Variants in TRHDE observed in about 807,000 individuals in gnomAD.
The protein encoded by TRHDE is thyrotropin-releasing hormone-degrading ectoenzyme.
In TRHDE, 72 loss-of-function variants were observed where a neutral mutation model predicts 125.7. The observed-to-expected ratio is 0.57, with a 90% CI of 0.47 to 0.70. The LOEUF (loss-of-function observed/expected upper bound fraction) is 0.70, where lower values mean the gene tolerates loss of function less well. Among genes scored for constraint, TRHDE ranks in the 30% least tolerant of loss-of-function variants. The probability of loss-of-function intolerance (pLI) is 0.00; values close to 1 mark genes in which losing one functional copy is unlikely to be tolerated. For missense variants in TRHDE, 1,110 were observed against 1,327.1 expected (o/e 0.84, Z 2.54); for synonymous variants, 509 against 509.1 (o/e 1.00, Z 0.00).
chr12:72,470,261 A>G (rs2135897951), intron 4 of TRHDE, among the ~76,000 whole-genome samples: 1 of 152,300 alleles, frequency 6.6e-6, no homozygotes, highest in Non-Finnish European at 1.5e-5. Context: ...GATGGCAATG[A>G]TTTATTGCAT....
intron 2 of TRHDE, among the ~76,000 whole-genome samples, chr12:72,302,240 GT>G (rs552807598): frequency 0.023 from 1,199 of 53,000 alleles, 10 homozygotes; most frequent in African/African-American, 0.059. Context: ...ATCTATGTGT[GT>G]GTGTATGTGT....
At chr12:72,461,346 A>T (rs1876116074) in intron 3 of TRHDE, among the ~76,000 whole-genome samples, 1 of 152,230 alleles carries the variant, frequency 6.6e-6, no homozygotes, top group Non-Finnish European at 1.5e-5. Context: ...AAAAAGAGTC[A>T]TTCAGTACCT....
chr12:72,502,800 G>A (rs1192372664), intron 6 of TRHDE, among the ~76,000 whole-genome samples: 1 of 152,086 alleles, frequency 6.6e-6, no homozygotes. Context: ...ATCTAAAACT[G>A]TGGAGAAAAA....
At chr12:72,341,618 A>G (rs1870090486) in intron 2 of TRHDE, among the ~76,000 whole-genome samples, 2 of 152,076 alleles carry the variant, frequency 1.3e-5, no homozygotes, top group Admixed American at 1.3e-4. Context: ...GAAAACTTGA[A>G]AATTGGATGA....
chr12:72,280,767 G>T (rs1325187793), intron 1 of TRHDE, among the ~76,000 whole-genome samples: 1 of 152,028 alleles, frequency 6.6e-6, no homozygotes, highest in Non-Finnish European at 1.5e-5. Flanking sequence ...GAGTCAGAAG[G>T]GTACCAGTAC....
chr12:72,390,483 G>A (rs538004943), intron 3 of TRHDE, among the ~76,000 whole-genome samples: 23 of 152,280 alleles, frequency 1.5e-4, no homozygotes, highest in Middle Eastern at 6.8e-3. Context: ...AAAATAGCTT[G>A]TATTGAGATC....
At chr12:72,179,596 C>G (rs1346073255) in intron 2 of TRHDE, among the ~76,000 whole-genome samples, 1 of 152,084 alleles carries the variant, frequency 6.6e-6, no homozygotes, top group Admixed American at 6.6e-5. Flanking sequence ...CTTCATGAAG[C>G]CATTTCTGAT....
chr12:72,320,065 A>G (rs1869008182), intron 2 of TRHDE, among the ~76,000 whole-genome samples: 1 of 152,008 alleles, frequency 6.6e-6, no homozygotes, highest in South Asian at 2.1e-4. Flanking sequence ...CTGTAGGGTT[A>G]TTTTATCTAC....
chr12:72,665,802 T>A lies in TRHDE; in HGVS notation c.*2607T>A, dbSNP rs73328589. ...AGAAAGGACAACATTATTTATCACA[T>A]TGAGTATTAAACATTTCCAGGTAAC... On this transcript the variant is annotated 3_prime_UTR_variant, in exon 19 of 19. Coordinates refer to ENST00000261180, the MANE Select transcript of TRHDE (RefSeq NM_013381.3). The A allele has an allele frequency of 6.6e-6, 1 of 152,080 alleles. No homozygotes were observed. Among genetic ancestry groups the A allele is most frequent in the Admixed American group, 6.6e-5 (1 of 15,244 alleles). 9.4% of individuals were successfully genotyped at this position (152,080 alleles called of 1,614,324 possible). A position where few individuals can be genotyped will look rare whatever the true frequency, so the allele number is the denominator to read the frequency against.
rs1426645651 is a variant in TRHDE at position 72,670,633 on chromosome 12, C to T, written c.*7438C>T. ...AAAAATTATTCTCTTCTGACATGGA[C>T]TTTTTCATGACTATACACATGCTGA... On this transcript the variant is annotated 3_prime_UTR_variant, in exon 19 of 19. Transcript: ENST00000261180. 1 of 151,540 alleles carries T rather than the reference C, an allele frequency of 6.6e-6. No homozygotes were observed. Among genetic ancestry groups the T allele is most frequent in the African/African-American group, 2.4e-5 (1 of 41,312 alleles). 9.4% of individuals were successfully genotyped at this position (151,540 alleles called of 1,614,324 possible).
rs141845835 is a variant in TRHDE, at chr12:72,627,340, C to A, written c.2675+5589C>A. Among the ~76,000 whole-genome samples the A allele has an allele frequency of 2.0e-5, 3 of 151,910 alleles. No individual in the cohort carries two copies. In the East Asian group the frequency reaches 5.8e-4, roughly 30 times the overall value. On this transcript the variant is annotated intron_variant, in intron 15 of 18. Coordinates refer to ENST00000261180, the MANE Select transcript of TRHDE (RefSeq NM_013381.3). ...GAAAAATAACTTTAAGGATAATCAT[C>A]TTCCTTCCTTCACCTTTCTGCCATA...
At chr12:72,530,359 C>T (rs559701536) in intron 6 of TRHDE, among the ~76,000 whole-genome samples, 5 of 144,150 alleles carry the variant, frequency 3.5e-5, no homozygotes, top group Non-Finnish European at 7.6e-5. Flanking sequence ...TTCTTAAGCA[C>T]ACTTTGTAAT....
chr12:72,272,795 C>T lies in TRHDE; in HGVS notation c.152C>T (p.Ala51Val). The T allele has an allele frequency of 6.4e-7, 1 of 1,561,242 alleles. No homozygotes were observed. The highest frequency in any genetic ancestry group is 8.6e-7 in the Non-Finnish European group (1 of 1,156,296). ...GCAGCCGCGATGGGGGAAGACGACGCCGCGCTTCGGGCTGGCAGCAGGGGG... is the reference window on the plus strand; with the variant it reads ...GCAGCCGCGATGGGGGAAGACGACGTCGCGCTTCGGGCTGGCAGCAGGGGG... ...PFAAAMGEDD[A>V]ALRAGSRGLS... The change falls in exon 1 of 19, where the codon GCC becomes GTC. Residue 51 changes from alanine (A) to valine (V), a missense_variant. By Grantham distance (64) the Ala-to-Val change is moderately conservative. Transcript: ENST00000261180. This position sits in a 1 kb window ranked among gnomAD's most constrained non-coding sequence, Gnocchi z 6.7.
At chr12:72,431,264 A>G (rs372862252) in intron 3 of TRHDE, among the ~76,000 whole-genome samples, 24 of 152,284 alleles carry the variant, frequency 1.6e-4, no homozygotes, top group East Asian at 5.8e-4. Flanking sequence ...AACTCAGAAA[A>G]GTATAGTCAA....
rs914656318 is a variant in TRHDE, at chr12:72,668,850, A to C, written c.*5655A>C. On this transcript the variant is annotated 3_prime_UTR_variant, in exon 19 of 19. Transcript: ENST00000261180. ...CTTATATAGCTCAAACTAGTCATTA[A>C]TCTGCCCTCAGCATGTATGAAAACA... is the stretch of plus-strand genomic sequence containing the variant. The C allele has an allele frequency of 1.3e-5, 2 of 151,824 alleles. No individual in the cohort carries two copies. Among genetic ancestry groups the C allele is most frequent in the African/African-American group, 4.8e-5 (2 of 41,414 alleles). The allele number at this position is 151,824 out of a possible 1,614,324, so 9.4% of individuals were successfully genotyped here.
At chr12:72,590,479 TTCAG>T (rs1871626117) in intron 12 of TRHDE, among the ~76,000 whole-genome samples, 2 of 152,208 alleles carry the variant, frequency 1.3e-5, no homozygotes, top group African/African-American at 4.8e-5. Flanking sequence ...CTCATTTTGA[TTCAG>T]TCAATTTTTG....
In TRHDE at chr12:72,321,320, G is replaced by A. The variant is rs182188488; in HGVS notation, c.1188+34366G>A. On this transcript the variant is annotated intron_variant, in intron 2 of 18. Transcript: ENST00000261180. ...TGGCTTCTAGGAAAGAATTGGGGATGGTGTGCACAGATAATTTTTCTCCAA... is the reference window on the plus strand; with the variant it reads ...TGGCTTCTAGGAAAGAATTGGGGATAGTGTGCACAGATAATTTTTCTCCAA... Among the ~76,000 whole-genome samples, 5 of 152,176 alleles carry A rather than the reference G, an allele frequency of 3.3e-5. No individual in the cohort carries two copies. The East Asian group carries it at 9.7e-4, about 29-fold the overall frequency.
chr12:72,140,869 C>T (rs1364470194), intron 2 of TRHDE, among the ~76,000 whole-genome samples: 1 of 152,072 alleles, frequency 6.6e-6, no homozygotes, highest in Non-Finnish European at 1.5e-5. Context: ...CATAAATATT[C>T]TTAAAACAAA....
intron 6 of TRHDE, among the ~76,000 whole-genome samples, chr12:72,513,829 T>C (rs78882708): frequency 0.057 from 8,718 of 152,070 alleles, 315 homozygotes; most frequent in Admixed American, 0.12. Context: ...AGAAGTTTAA[T>C]GGGAGGCCTC....
Sources: allele counts gnomAD v4.1 joint callset (sites outside exome capture counted in the v4.1 genomes callset), GRCh38; gene constraint gnomAD v4.1.1; non-coding constraint Gnocchi (gnomAD v3.1); transcripts MANE v1.5; gene names NCBI Gene and HGNC (gene_info 2026-07-23, HGNC 2026-07-21).